RIMS2: variants seen among roughly 807,000 people sequenced by gnomAD.
The protein encoded by RIMS2 is regulating synaptic membrane exocytosis protein 2.
Under a neutral mutation model 174.4 loss-of-function variants are expected in RIMS2, and 59 were observed. The observed-to-expected ratio is 0.34, with a 90% CI of 0.27 to 0.42. The LOEUF (loss-of-function observed/expected upper bound fraction) is 0.42, where lower values mean the gene tolerates loss of function less well. Among genes scored for constraint, RIMS2 ranks in the 10% least tolerant of loss-of-function variants. RIMS2 has a pLI of 1.00. For synonymous variants in RIMS2, 606 were observed against 572.5 expected (o/e 1.06, Z -0.84); for missense variants, 1,620 against 1,666.3 (o/e 0.97, Z 0.48).
At chr8:103,697,334 C>T (rs2097115306) in intron 2 of RIMS2, 38 bp downstream of exon 4, 1 of 1,443,532 alleles carries the variant, frequency 6.9e-7, no homozygotes, top group Non-Finnish European at 9.8e-7. Context: ...TCTAGTTAAG[C>T]TTATTGTGTT....
intron 3 of RIMS2, among the ~76,000 whole-genome samples, chr8:103,857,356 T>G (rs550929040): frequency 1.3e-5 from 2 of 152,322 alleles, no homozygotes; most frequent in East Asian, 3.9e-4. Flanking sequence ...CATATTGTAA[T>G]GCTCACTTGT....
chr8:104,188,511 A>G (rs781434748), intron 19 of RIMS2, among the ~76,000 whole-genome samples: 39 of 151,728 alleles, frequency 2.6e-4, no homozygotes, highest in Admixed American at 2.0e-3. Flanking sequence ...TAAGACTTGT[A>G]CATTTCCTGT....
At chr8:104,065,758 C>T (rs1035625956) in intron 19 of RIMS2, among the ~76,000 whole-genome samples, 2 of 152,082 alleles carry the variant, frequency 1.3e-5, no homozygotes, top group East Asian at 1.9e-4. Context: ...TTGGTTAAGA[C>T]TCTAATAAAG....
At chr8:103,936,775 T>C in intron 13 of RIMS2, 53 bp downstream of exon 15, 1 of 1,306,208 alleles carries the variant, frequency 7.7e-7, no homozygotes, top group Admixed American at 2.2e-5. Flanking sequence ...TGAATACTTT[T>C]ATTTATATAA....
intron 19 of RIMS2, among the ~76,000 whole-genome samples, chr8:104,071,987 TACTTA>T (rs2097204942): frequency 6.6e-6 from 1 of 152,194 alleles, no homozygotes; most frequent in South Asian, 2.1e-4. Flanking sequence ...GAATGTAGAA[TACTTA>T]TCACTCTGTT....
At chr8:103,531,911 G>A (rs1837360658) in intron 1 of RIMS2, among the ~76,000 whole-genome samples, 1 of 151,934 alleles carries the variant, frequency 6.6e-6, no homozygotes, top group African/African-American at 2.4e-5. Context: ...TTGTACCTGA[G>A]GCTACATAAT....
chr8:103,910,560 C>G, intron 5 of RIMS2, 31 bp downstream of exon 8: 1 of 1,361,082 alleles, frequency 7.3e-7, no homozygotes, highest in Non-Finnish European at 1.0e-6. Flanking sequence ...GCCTTTTAAC[C>G]TGCTCATTTG....
chr8:104,084,089 T>C (rs1234937706), intron 19 of RIMS2, among the ~76,000 whole-genome samples: 2 of 152,132 alleles, frequency 1.3e-5, no homozygotes, highest in Admixed American at 6.5e-5. Context: ...GTTATGGTGA[T>C]AGATTGTTAC....
intron 3 of RIMS2, among the ~76,000 whole-genome samples, chr8:103,777,962 G>C (rs1448392449): frequency 6.6e-6 from 1 of 151,826 alleles, no homozygotes; most frequent in Non-Finnish European, 1.5e-5. Flanking sequence ...AACAACTTCG[G>C]AACTCAATCA....
chr8:103,660,904 A>G (rs1564191236), intron 1 of RIMS2, among the ~76,000 whole-genome samples: 1 of 152,226 alleles, frequency 6.6e-6, no homozygotes, highest in East Asian at 1.9e-4. Context: ...ACTTATAAGT[A>G]ATATAAAAAA....
At position 103,898,270 on chromosome 8, in the gene RIMS2, C is replaced by G. The variant is rs1215201409; in HGVS notation, c.1625-11864C>G. 2.0e-5 allele frequency among the ~76,000 whole-genome samples: 3 copies of G among 151,666 alleles called. No homozygotes were observed. The East Asian group carries it at 5.8e-4, about 29-fold the overall frequency. On this transcript the variant is annotated intron_variant, in intron 4 of 23. Transcript: ENST00000504942. The stretch of plus-strand genomic sequence containing the variant: ...ATGTCCTGTGGAATGTCCCTATGGT[C>G]TCAGTCTTTTTGGACTGTATTATGA...
At chr8:103,589,703 G>T (rs955109602) in intron 1 of RIMS2, among the ~76,000 whole-genome samples, 5 of 151,432 alleles carry the variant, frequency 3.3e-5, no homozygotes, top group Admixed American at 2.6e-4. Flanking sequence ...CAGAGGAATA[G>T]ATAAAGAAAT....
At chr8:103,921,810 C>T in intron 10 of RIMS2, 26 bp downstream of exon 13, 1 of 822,142 alleles carries the variant, frequency 1.2e-6, no homozygotes, top group Non-Finnish European at 2.1e-6. Context: ...GTTTACTCTT[C>T]TTTTTGGAAT....
intron 1 of RIMS2, among the ~76,000 whole-genome samples, chr8:103,587,853 G>A (rs1246032638): frequency 6.6e-6 from 1 of 151,972 alleles, no homozygotes; most frequent in Non-Finnish European, 1.5e-5. Context: ...GAACGTGACA[G>A]TGATGCCCAG....
At chr8:104,091,804 T>C (rs1365014706) in intron 19 of RIMS2, among the ~76,000 whole-genome samples, 3 of 151,620 alleles carry the variant, frequency 2.0e-5, no homozygotes, top group South Asian at 2.1e-4. Context: ...ATGATCTAAA[T>C]TGTCTTTGAA....
chr8:104,071,672 G>A (rs867430713), intron 19 of RIMS2, among the ~76,000 whole-genome samples: 3 of 152,202 alleles, frequency 2.0e-5, no homozygotes, highest in South Asian at 2.1e-4. Context: ...TACTGACCTC[G>A]TGATCTGCCC....
At chr8:103,646,416 G>A (rs2096334226) in intron 1 of RIMS2, among the ~76,000 whole-genome samples, 1 of 151,962 alleles carries the variant, frequency 6.6e-6, no homozygotes, top group Non-Finnish European at 1.5e-5. Flanking sequence ...AGGGGTACAT[G>A]TGCCAGATGT....
chr8:104,022,360 G>A (rs1009272874), intron 19 of RIMS2, among the ~76,000 whole-genome samples: 1 of 151,510 alleles, frequency 6.6e-6, no homozygotes, highest in South Asian at 2.1e-4. Context: ...GCAAGATGGG[G>A]TCAACTGTGT....
At chr8:103,744,937 G>T (rs1227885110) in intron 2 of RIMS2, among the ~76,000 whole-genome samples, 1 of 152,124 alleles carries the variant, frequency 6.6e-6, no homozygotes, top group Non-Finnish European at 1.5e-5. Context: ...TTGGGCTCAG[G>T]ATCTGCTTGT....
Sources: allele counts gnomAD v4.1 joint callset (sites outside exome capture counted in the v4.1 genomes callset), GRCh38; gene constraint gnomAD v4.1.1; transcripts MANE v1.5; gene names NCBI Gene and HGNC (gene_info 2026-07-23, HGNC 2026-07-21).